Variants in ADCY8 observed in about 807,000 individuals in gnomAD.
The protein encoded by ADCY8 is adenylate cyclase 8.
In ADCY8, 51 loss-of-function variants were observed where a neutral mutation model predicts 119.7. The observed-to-expected ratio is 0.43, with a 90% CI of 0.34 to 0.54. The LOEUF is 0.54. Among genes scored for constraint, ADCY8 ranks in the 20% least tolerant of loss-of-function variants. The pLI is 0.03. For synonymous variants in ADCY8, 665 were observed against 651.0 expected, an observed-to-expected ratio of 1.02 and a Z score of -0.33; for missense variants, 1,383 against 1,598.8, an observed-to-expected ratio of 0.87 and a Z score of 2.30.
At chr8:131,019,752 T>G (rs1368829279) in intron 1 of ADCY8, among the ~76,000 whole-genome samples, 1 of 150,694 alleles carries the variant, frequency 6.6e-6, no homozygotes, top group Non-Finnish European at 1.5e-5. Context: ...CTATCTTCAT[T>G]GCTCTTACTA....
chr8:130,846,918 T>C (rs1218821884), intron 11 of ADCY8, among the ~76,000 whole-genome samples: 5 of 118,418 alleles, frequency 4.2e-5, no homozygotes, highest in African/African-American at 6.6e-5. Context: ...CTTCCTTCCT[T>C]CCTTCCTTCC....
At chr8:130,869,938 C>CTT (rs1471479853) in intron 8 of ADCY8, among the ~76,000 whole-genome samples, 104 of 138,736 alleles carry the variant, frequency 7.5e-4, no homozygotes, top group African/African-American at 2.8e-3. Flanking sequence ...TCCTCCTCCT[C>CTT]CTCTTCTTCT....
intron 8 of ADCY8, among the ~76,000 whole-genome samples, chr8:130,879,812 C>T (rs971324068): frequency 9.2e-5 from 14 of 152,216 alleles, no homozygotes; most frequent in East Asian, 1.9e-4. Context: ...CACTATGTTA[C>T]GAAGCCCTGT....
chr8:130,974,671 C>T (rs1266782461), intron 2 of ADCY8, among the ~76,000 whole-genome samples: 3 of 152,172 alleles, frequency 2.0e-5, no homozygotes, highest in Non-Finnish European at 4.4e-5. Context: ...ATGAGTATTC[C>T]TTCCTGAATA....
intron 8 of ADCY8, 106 bp from the exon 9 acceptor site, chr8:130,868,052 A>C: frequency 4.3e-6 from 3 of 696,856 alleles, no homozygotes; most frequent in Non-Finnish European, 6.9e-6. Context: ...TTTTTAAATT[A>C]AGAATAATTC....
chr8:130,921,673 G>C (rs181990603), intron 5 of ADCY8, among the ~76,000 whole-genome samples: 1 of 151,920 alleles, frequency 6.6e-6, no homozygotes. Context: ...GACTGGTCTC[G>C]AACTCCCGAT....
intron 15 of ADCY8, among the ~76,000 whole-genome samples, chr8:130,792,763 C>A (rs1323413645): frequency 1.3e-5 from 2 of 152,176 alleles, no homozygotes; most frequent in Non-Finnish European, 2.9e-5. Context: ...GTTCTTCACA[C>A]AGAGCTGAGA....
chr8:130,800,356 A>G, intron 15 of ADCY8, 70 bp downstream of exon 15: 2 of 1,551,936 alleles, frequency 1.3e-6, no homozygotes, highest in Non-Finnish European at 8.8e-7. Context: ...AGTAATTCCT[A>G]CAATGAATAA....
intron 7 of ADCY8, among the ~76,000 whole-genome samples, chr8:130,902,506 G>C (rs1046488995): frequency 2.6e-5 from 4 of 152,128 alleles, no homozygotes; most frequent in African/African-American, 9.7e-5. Flanking sequence ...TCAACCTGCA[G>C]CTTTTCCCAG....
intron 4 of ADCY8, among the ~76,000 whole-genome samples, chr8:130,940,815 A>C (rs531301204): frequency 1.3e-5 from 2 of 152,312 alleles, no homozygotes; most frequent in East Asian, 3.9e-4. Context: ...GATGACTTTG[A>C]CATTATCAAA....
At chr8:130,813,802 C>CAT (rs940988881) in intron 14 of ADCY8, among the ~76,000 whole-genome samples, 11 of 151,860 alleles carry the variant, frequency 7.2e-5, no homozygotes, top group African/African-American at 2.7e-4. Flanking sequence ...CATATATATA[C>CAT]ATATATATAC....
At chr8:130,852,635 T>C (rs1817570577) in intron 9 of ADCY8, among the ~76,000 whole-genome samples, 1 of 152,142 alleles carries the variant, frequency 6.6e-6, no homozygotes, top group African/African-American at 2.4e-5. Flanking sequence ...AGACGCTGAG[T>C]TGGAGCCTCA....
chr8:130,801,690 A>G (rs977136220), intron 14 of ADCY8, among the ~76,000 whole-genome samples: 1 of 152,130 alleles, frequency 6.6e-6, no homozygotes, highest in Middle Eastern at 3.2e-3. Flanking sequence ...CTTAATGCCC[A>G]CTGGCATCTC....
intron 17 of ADCY8, among the ~76,000 whole-genome samples, chr8:130,783,263 A>G (rs184067830): frequency 6.6e-6 from 1 of 152,338 alleles, no homozygotes; most frequent in African/African-American, 2.4e-5. Flanking sequence ...TGCCATCCTC[A>G]GGAGTAGAAT....
intron 14 of ADCY8, among the ~76,000 whole-genome samples, chr8:130,812,280 T>C (rs1816193059): frequency 6.6e-6 from 1 of 152,112 alleles, no homozygotes; most frequent in South Asian, 2.1e-4. Flanking sequence ...GCTTGACCAT[T>C]AGGCTCTGTC....
At chr8:130,977,321 A>G (rs1822102523) in intron 2 of ADCY8, among the ~76,000 whole-genome samples, 1 of 152,222 alleles carries the variant, frequency 6.6e-6, no homozygotes, top group African/African-American at 2.4e-5. Flanking sequence ...AAAATATCAG[A>G]ATCAACAGAG....
chr8:131,016,113 TA>T (rs994294990), intron 1 of ADCY8, among the ~76,000 whole-genome samples: 31 of 150,702 alleles, frequency 2.1e-4, no homozygotes, highest in African/African-American at 7.4e-4. Flanking sequence ...ATAACTTAAA[TA>T]AATAAATTAT....
At chr8:130,982,891 G>A (rs1180187786) in intron 2 of ADCY8, among the ~76,000 whole-genome samples, 2 of 152,168 alleles carry the variant, frequency 1.3e-5, no homozygotes, top group South Asian at 2.1e-4. Context: ...TGCACAGCAT[G>A]TCTCATTTTA....
chr8:131,026,042 G>T (rs549091562), intron 1 of ADCY8, among the ~76,000 whole-genome samples: 1 of 152,136 alleles, frequency 6.6e-6, no homozygotes, highest in Admixed American at 6.6e-5. Flanking sequence ...ATAAATATTC[G>T]CCATATGAGG....
Sources: allele counts gnomAD v4.1 joint callset (sites outside exome capture counted in the v4.1 genomes callset), GRCh38; gene constraint gnomAD v4.1.1; transcripts MANE v1.5; gene names NCBI Gene and HGNC (gene_info 2026-07-23, HGNC 2026-07-21).